Variants in MKRN2 observed in about 807,000 individuals in gnomAD.
MKRN2 encodes the protein E3 ubiquitin-protein ligase makorin-2.
Under a neutral mutation model 45.4 loss-of-function variants are expected in MKRN2, and 32 were observed. The ratio of observed to expected loss-of-function variants is 0.70; its 90% CI spans 0.53 to 0.95. The LOEUF (loss-of-function observed/expected upper bound fraction) is 0.95. Among genes scored for constraint, MKRN2 ranks in the 40% least tolerant of loss-of-function variants. MKRN2 has a pLI of 0.00. For missense variants in MKRN2, 526 were observed against 536.7 expected (o/e 0.98, Z 0.20); for synonymous variants, 206 against 192.4 (o/e 1.07, Z -0.59).
chr3:12,562,662 C>T (rs937536843), intron 1 of MKRN2, among the ~76,000 whole-genome samples: 2 of 152,058 alleles, frequency 1.3e-5, no homozygotes, highest in Non-Finnish European at 2.9e-5. Context: ...TTTATAGCCA[C>T]TCCCCATCAC....
At chr3:12,571,216 T>G (rs943659457) in intron 3 of MKRN2, among the ~76,000 whole-genome samples, 4 of 152,038 alleles carry the variant, frequency 2.6e-5, no homozygotes, top group Non-Finnish European at 4.4e-5. Context: ...GTTCAAGGGA[T>G]TCTCTTGCCT....
chr3:12,557,231 C>T (rs1260583546), intron 1 of MKRN2, 55 bp downstream of exon 1: 7 of 1,517,272 alleles, frequency 4.6e-6, no homozygotes, highest in Non-Finnish European at 6.2e-6. Context: ...GCAGGGGGGC[C>T]GGTGCGCGCC....
At chr3:12,578,864 T>TTA (rs1459626955) in intron 6 of MKRN2, among the ~76,000 whole-genome samples, 1 of 107,582 alleles carries the variant, frequency 9.3e-6, no homozygotes, top group African/African-American at 4.1e-5. Flanking sequence ...CTTGATTTTT[T>TTA]TTTTTTTTTT....
chr3:12,557,103 C>A lies in MKRN2; in HGVS notation c.-48C>A. ...GCCAGGGCCAAGGCCGAGGCGGCAG[C>A]GGCTGCGAGAGGCGGCGGCACGACG... On this transcript the variant is annotated 5_prime_UTR_variant, in exon 1 of 8. Coordinates refer to ENST00000170447, the MANE Select transcript of MKRN2 (RefSeq NM_014160.5). 6.7e-7 allele frequency: 1 copy of A among 1,488,350 alleles called. No individual in the cohort carries two copies. Among genetic ancestry groups the A allele is most frequent in the Non-Finnish European group, 8.9e-7 (1 of 1,121,912 alleles). The allele number at this position is 1,488,350 out of a possible 1,614,324, so 92.2% of individuals were successfully genotyped here.
chr3:12,570,253 G>A lies in MKRN2; in HGVS notation c.337+1G>A, dbSNP rs769695875. The A allele has an allele frequency of 6.2e-7, 1 of 1,612,344 alleles. No individual in the cohort carries two copies. Among genetic ancestry groups the A allele is most frequent in the Non-Finnish European group, 8.5e-7 (1 of 1,178,930 alleles). Reference sequence around the variant, plus strand: ...AGAACATTGGTTCTTAGAGACCGAAGTGAGTAAGCGGAAGCCTTTTGTTGC... The same window carrying A: ...AGAACATTGGTTCTTAGAGACCGAAATGAGTAAGCGGAAGCCTTTTGTTGC... On this transcript the variant is annotated splice_donor_variant, in intron 3 of 7. Transcript: ENST00000170447. LOFTEE classifies it high-confidence loss of function.
intron 1 of MKRN2, among the ~76,000 whole-genome samples, chr3:12,560,542 A>G (rs1267047712): frequency 6.6e-6 from 1 of 151,668 alleles, no homozygotes; most frequent in East Asian, 1.9e-4. Flanking sequence ...AGTGATTTGC[A>G]AAAGCGTTTT....
intron 5 of MKRN2, among the ~76,000 whole-genome samples, chr3:12,576,355 C>T (rs2058136609): frequency 6.6e-6 from 1 of 152,096 alleles, no homozygotes; most frequent in South Asian, 2.1e-4. Context: ...GCCATGCATG[C>T]ATTAGCTGTT....
intron 6 of MKRN2, among the ~76,000 whole-genome samples, chr3:12,579,221 G>A (rs2454429): frequency 0.58 from 87,909 of 152,056 alleles, 26,343 homozygotes; most frequent in African/African-American, 0.68. Context: ...CAGGCTGGCA[G>A]TGGCATGATT....
intron 6 of MKRN2, 22 bp downstream of exon 6, chr3:12,576,763 C>T (rs9855183): frequency 0.11 from 168,834 of 1,523,290 alleles, 12,820 homozygotes; most frequent in African/African-American, 0.39. Flanking sequence ...TGAGTTTCGA[C>T]GTGCCCCTGC....
chr3:12,574,804 A>T lies in MKRN2; in HGVS notation c.655A>T (p.Thr219Ser), dbSNP rs769162650. The change falls in exon 5 of 8, where the codon ACG (threonine) becomes TCG (serine). Residue 219 changes from threonine to serine, a missense_variant. Thr to Ser is a moderately conservative substitution (Grantham distance 58, BLOSUM62 1). Transcript: ENST00000170447. ...RKAHEKICML[T>S]FEHEMEKAFA... ...GTCTGTGCTTCAGATCTGCATGTTG[A>T]CGTTCGAACACGAGATGGAAAAGGC... is the stretch of plus-strand genomic sequence containing the variant. 3.7e-6 allele frequency: 6 copies of T among 1,613,238 alleles called. No individual in the cohort carries two copies. The Admixed American group carries it at 1.0e-4, about 27-fold the overall frequency.
intron 5 of MKRN2, among the ~76,000 whole-genome samples, chr3:12,576,191 G>GTA (rs1553608707): frequency 4.1e-5 from 3 of 73,530 alleles, no homozygotes; most frequent in South Asian, 6.7e-4. Context: ...AACCATATAT[G>GTA]TGTGTGTGTG....
At position 12,572,281 on chromosome 3, in the gene MKRN2, G is replaced by T; in HGVS notation, c.550G>T (p.Ala184Ser). ...TGCTGGGGAGTGCCGGTTTGGGGATGCCTGTGTCTACCTGCACGGGGAGGT... is the reference window on the plus strand; with the variant it reads ...TGCTGGGGAGTGCCGGTTTGGGGATTCCTGTGTCTACCTGCACGGGGAGGT... ...AAAGECRFGD[A>S]CVYLHGEVCE... Residue 184 changes from alanine (A) to serine (S), a missense_variant, in exon 4 of 8, where the codon GCC becomes TCC. Coordinates refer to ENST00000170447, the MANE Select transcript of MKRN2 (RefSeq NM_014160.5). 3.7e-6 allele frequency: 6 copies of T among 1,614,028 alleles called. No individual in the cohort carries two copies. The highest frequency in any genetic ancestry group is 5.1e-6 in the Non-Finnish European group (6 of 1,179,912).
chr3:12,583,294 A>C lies in MKRN2; in HGVS notation c.*1041A>C, dbSNP rs1185588941. On this transcript the variant is annotated 3_prime_UTR_variant, in exon 8 of 8. Transcript: ENST00000170447. ...TTGTGAACCAGCACTAGCTTGTTCC[A>C]AGCTGGAATTTATCTAATCTATTTT... The C allele has an allele frequency of 6.5e-6, 1 of 153,296 alleles. No individual in the cohort carries two copies. 9.5% of individuals were successfully genotyped at this position (153,296 alleles called of 1,614,324 possible).
intron 2 of MKRN2, among the ~76,000 whole-genome samples, chr3:12,569,549 C>CT (rs1240345263): frequency 1.3e-5 from 2 of 152,168 alleles, no homozygotes; most frequent in African/African-American, 2.4e-5. Context: ...CTTGTTCATG[C>CT]TTTTGTAGCA....
intron 3 of MKRN2, among the ~76,000 whole-genome samples, chr3:12,571,114 T>TTCTGTTTG (rs1553608294): frequency 3.3e-5 from 5 of 150,394 alleles, no homozygotes; most frequent in Non-Finnish European, 5.9e-5. Flanking sequence ...TTGTTGTGTT[T>TTCTGTTTG]TTTGTTTGTT....
chr3:12,575,278 C>G (rs1400884001), intron 5 of MKRN2, among the ~76,000 whole-genome samples: 1 of 152,176 alleles, frequency 6.6e-6, no homozygotes, highest in Non-Finnish European at 1.5e-5. Context: ...TGGCACTGAC[C>G]TGTTTTCATC....
chr3:12,582,146 A>T lies in MKRN2; in HGVS notation c.1144A>T (p.Ile382Phe). 2 of 1,614,156 alleles carry T rather than the reference A, an allele frequency of 1.2e-6. No homozygotes were observed. The highest frequency in any genetic ancestry group is 1.7e-6 in the Non-Finnish European group (2 of 1,180,036). Reference protein sequence around the residue: ...FFNSVRLWDFIENRESRHVPN... With the variant: ...FFNSVRLWDFFENRESRHVPN... ...TAATTCAGTGCGGCTCTGGGATTTC[A>T]TCGAGAACCGAGAAAGCCGGCATGT... The change falls in exon 8 of 8, where the codon ATC (isoleucine) becomes TTC (phenylalanine). Residue 382 changes from isoleucine (I) to phenylalanine (F), a missense_variant. Transcript: ENST00000170447.
At chr3:12,578,465 A>T (rs904818436) in intron 6 of MKRN2, among the ~76,000 whole-genome samples, 16 of 151,774 alleles carry the variant, frequency 1.1e-4, no homozygotes, top group African/African-American at 3.9e-4. Flanking sequence ...CTACAGGCGC[A>T]TGCCGCCACG....
intron 1 of MKRN2, among the ~76,000 whole-genome samples, chr3:12,558,247 G>T (rs1331407968): frequency 6.6e-6 from 1 of 152,178 alleles, no homozygotes; most frequent in African/African-American, 2.4e-5. Flanking sequence ...CCAAGGCCCA[G>T]GTGGCTTATG....
Sources: gnomAD v4.1 joint callset for allele counts (sites outside exome capture counted in the v4.1 genomes callset) on GRCh38, gnomAD v4.1.1 for gene constraint, MANE v1.5 for transcripts, NCBI Gene and HGNC (gene_info 2026-07-23, HGNC 2026-07-21) for gene names.